MIR2052HG: variants seen among roughly 807,000 people sequenced by gnomAD.
The protein encoded by MIR2052HG is MIR2052 host gene.
chr8:74,633,080 C>T (rs1255816552), intron 2 of MIR2052HG, among the ~76,000 whole-genome samples: 1 of 152,128 alleles, frequency 6.6e-6, no homozygotes. Context: ...AGTACAGTGG[C>T]TTGATCATGG....
At chr8:74,711,263 T>C (rs1809465425) in intron 4 of MIR2052HG, among the ~76,000 whole-genome samples, 1 of 152,168 alleles carries the variant, frequency 6.6e-6, no homozygotes, top group Admixed American at 6.5e-5. Context: ...TAATTAGATA[T>C]TCATGTAAGT....
chr8:74,737,545 C>A (rs1586927788), intron 4 of MIR2052HG, among the ~76,000 whole-genome samples: 1 of 152,190 alleles, frequency 6.6e-6, no homozygotes, highest in Admixed American at 6.6e-5. Context: ...AGTGACAACA[C>A]CTCCTGCTAT....
intron 2 of MIR2052HG, among the ~76,000 whole-genome samples, chr8:74,689,263 A>T (rs1416460886): frequency 6.6e-6 from 1 of 152,188 alleles, no homozygotes. Context: ...TTTTACCAGA[A>T]ATTGGAGCTC....
chr8:74,710,302 A>G (rs1037998881), intron 4 of MIR2052HG, among the ~76,000 whole-genome samples: 29 of 152,286 alleles, frequency 1.9e-4, no homozygotes, highest in African/African-American at 7.0e-4. Flanking sequence ...TTCAAGACTC[A>G]TAATTTACCC....
At chr8:74,637,088 A>C (rs992439101) in intron 2 of MIR2052HG, among the ~76,000 whole-genome samples, 3 of 152,178 alleles carry the variant, frequency 2.0e-5, no homozygotes, top group Non-Finnish European at 4.4e-5. Flanking sequence ...TTGAGAATAG[A>C]AAGGAAGAAA....
rs184213690 is a variant in MIR2052HG, at chr8:74,726,682, T to G, written n.371+23000T>G. Among the ~76,000 whole-genome samples the G allele has an allele frequency of 3.6e-4, 55 of 152,328 alleles. No homozygotes were observed. The East Asian group carries it at 0.01, about 28-fold the overall frequency. ...TTAGAATGAACTGTGGAGCATGTCT[T>G]GTCTTCAGTTATGGACCAGGGACAG... On this transcript the variant is annotated intron_variant and non_coding_transcript_variant, in intron 4 of 6. Coordinates refer to ENST00000523442, the Ensembl canonical transcript of MIR2052HG.
chr8:74,741,105 G>C (rs2128755731), intron 4 of MIR2052HG, among the ~76,000 whole-genome samples: 1 of 152,194 alleles, frequency 6.6e-6, no homozygotes, highest in Middle Eastern at 3.4e-3. Context: ...CTGTTTAAAG[G>C]CAACTTTGTT....
chr8:74,726,810 G>A (rs140372804), intron 4 of MIR2052HG, among the ~76,000 whole-genome samples: 13 of 152,308 alleles, frequency 8.5e-5, no homozygotes, highest in African/African-American at 2.9e-4. Flanking sequence ...ACAGAGTCTT[G>A]TTGAGGAGCA....
chr8:74,749,267 T>A (rs553200121), intron 4 of MIR2052HG, among the ~76,000 whole-genome samples: 1 of 152,258 alleles, frequency 6.6e-6, no homozygotes, highest in Admixed American at 6.5e-5. Flanking sequence ...ACCATGATTG[T>A]TGATGCTGTA....
intron 5 of MIR2052HG, chr8:74,757,633 AATG>A (rs1362494119): frequency 6.6e-6 from 1 of 152,248 alleles, no homozygotes; most frequent in Non-Finnish European, 1.5e-5. Context: ...TCATTTGTTC[AATG>A]ATGAGTAGTC....
chr8:74,617,413 G>A (rs1808298869), intron 2 of MIR2052HG, among the ~76,000 whole-genome samples: 1 of 151,798 alleles, frequency 6.6e-6, no homozygotes, highest in Non-Finnish European at 1.5e-5. Context: ...TGCTACAAAA[G>A]ACATTATTTC....
chr8:74,672,694 G>A (rs1265057028), intron 2 of MIR2052HG, among the ~76,000 whole-genome samples: 9 of 152,028 alleles, frequency 5.9e-5, no homozygotes, highest in Admixed American at 5.9e-4. Context: ...TCCTATCACA[G>A]AAGGTCCTTT....
At chr8:74,695,728 A>T (rs544108252) in intron 2 of MIR2052HG, among the ~76,000 whole-genome samples, 8 of 152,256 alleles carry the variant, frequency 5.3e-5, no homozygotes, top group African/African-American at 1.9e-4. Flanking sequence ...GATATTATGT[A>T]CTGATAAAAG....
intron 2 of MIR2052HG, among the ~76,000 whole-genome samples, chr8:74,635,709 A>G (rs1563519557): frequency 1.3e-5 from 2 of 152,182 alleles, no homozygotes; most frequent in African/African-American, 2.4e-5. Context: ...AATCTATGTC[A>G]TCATGACCTC....
At chr8:74,612,127 G>C (rs1325842781) in intron 1 of MIR2052HG, among the ~76,000 whole-genome samples, 2 of 152,196 alleles carry the variant, frequency 1.3e-5, no homozygotes, top group Non-Finnish European at 1.5e-5. Flanking sequence ...GGGCAAAAGT[G>C]CTGAAGGACA....
chr8:74,698,969 T>TAAG (rs113209570), intron 2 of MIR2052HG, among the ~76,000 whole-genome samples: 2,909 of 152,050 alleles, frequency 0.019, 83 homozygotes, highest in African/African-American at 0.066. Context: ...TAGACAATTA[T>TAAG]AAGAAGATAC....
intron 4 of MIR2052HG, among the ~76,000 whole-genome samples, chr8:74,716,494 C>T (rs1325707067): frequency 2.0e-5 from 3 of 152,092 alleles, no homozygotes; most frequent in Admixed American, 6.5e-5. Context: ...GGGTGAATCA[C>T]AAGGTCAGGA....
chr8:74,670,768 A>G (rs1214042220), intron 2 of MIR2052HG, among the ~76,000 whole-genome samples: 4 of 152,298 alleles, frequency 2.6e-5, no homozygotes, highest in Middle Eastern at 3.4e-3. Context: ...CTAAGTCCAG[A>G]GTCAAGATTG....
chr8:74,700,161 G>A (rs762997188), intron 2 of MIR2052HG, among the ~76,000 whole-genome samples: 1 of 152,122 alleles, frequency 6.6e-6, no homozygotes, highest in Non-Finnish European at 1.5e-5. Context: ...GATAGACAAT[G>A]GTGGAGCTTA....
Sources: allele counts gnomAD v4.1 joint callset (sites outside exome capture counted in the v4.1 genomes callset), GRCh38; gene constraint gnomAD v4.1.1; transcripts MANE v1.5; gene names NCBI Gene and HGNC (gene_info 2026-07-23, HGNC 2026-07-21).